The following NCAPD3 variants were observed in gnomAD, a reference collection of about 807,000 sequenced individuals.
NCAPD3 encodes condensin-2 complex subunit D3.
Under a neutral mutation model 182.9 loss-of-function variants are expected in NCAPD3, and 105 were observed. The ratio of observed to expected loss-of-function variants is 0.57; its 90% confidence interval spans 0.49 to 0.68. The LOEUF (loss-of-function observed/expected upper bound fraction) is 0.68, where lower values mean the gene tolerates loss of function less well. NCAPD3 is among the 30% of genes least tolerant of loss of function. NCAPD3 has a pLI of 0.00. For synonymous variants in NCAPD3, 815 were observed against 679.9 expected (o/e 1.20, Z -3.09); for missense variants, 1,944 against 1,837.0 (o/e 1.06, Z -1.07).
chr11:134,213,899 T>C (rs1461879766), intron 3 of NCAPD3, among the ~76,000 whole-genome samples: 1 of 152,150 alleles, frequency 6.6e-6, no homozygotes, highest in Non-Finnish European at 1.5e-5. Flanking sequence ...AATACATCTG[T>C]ATCCGTCAGA....
In NCAPD3 at chr11:134,158,356, G is replaced by A. The variant is rs780597784; in HGVS notation, c.4007C>T (p.Pro1336Leu). The change falls in exon 30 of 35, where the codon CCA becomes CTA. Residue 1336 changes from proline to leucine, a missense_variant. Pro to Leu is a moderately conservative substitution (Grantham distance 98). Around this residue, in one of 3 missense-constraint regions of NCAPD3, gnomAD observed 1,803 missense variants for 1,674.6 expected, o/e 1.08. Coordinates refer to ENST00000534548, the MANE Select transcript of NCAPD3 (RefSeq NM_015261.3). ...GGCTTTGGGCAGCAACCTCTGCAAT[G>A]GCCCTGTTTCAGGTGTAGGAGATGA... ...AVSSPTPETG[P>L]LQRLLPKARP... 1 of 1,614,214 alleles carries A rather than the reference G, an allele frequency of 6.2e-7. No individual in the cohort carries two copies. Among genetic ancestry groups the A allele is most frequent in the Non-Finnish European group, 8.5e-7 (1 of 1,180,044 alleles).
At chr11:134,169,232 G>C (rs1235445756) in intron 24 of NCAPD3, among the ~76,000 whole-genome samples, 178 bp from the exon 25 acceptor site, 1 of 152,210 alleles carries the variant, frequency 6.6e-6, no homozygotes, top group Non-Finnish European at 1.5e-5. Context: ...TATTTGGTCT[G>C]TCCTTGCTCC....
At chr11:134,207,968 C>T (rs112525046) in intron 7 of NCAPD3, among the ~76,000 whole-genome samples, 14 of 152,136 alleles carry the variant, frequency 9.2e-5, no homozygotes, top group Non-Finnish European at 1.5e-4. Context: ...GCTCGGTAGG[C>T]GGCCTGCTCA....
chr11:134,218,765 C>G (rs917574653), intron 2 of NCAPD3, among the ~76,000 whole-genome samples: 1 of 152,178 alleles, frequency 6.6e-6, no homozygotes, highest in Non-Finnish European at 1.5e-5. Flanking sequence ...GTCTTCCTTT[C>G]CAGTTCCCAA....
Position 134,211,028 on chromosome 11 carries a change from G to C in NCAPD3, c.383-574C>G, listed in dbSNP as rs1937815081. Reference sequence around the variant, plus strand: ...GCACAGGGTAAAATTCTAAGACAGAGAGCAAAGAAGTATTTCCAAGGAGCA... The same window carrying C: ...GCACAGGGTAAAATTCTAAGACAGACAGCAAAGAAGTATTTCCAAGGAGCA... On this transcript the variant is annotated intron_variant, in intron 3 of 34. Coordinates refer to ENST00000534548, the MANE Select transcript of NCAPD3 (RefSeq NM_015261.3). Among the ~76,000 whole-genome samples the C allele has an allele frequency of 2.0e-5, 3 of 152,190 alleles. No homozygotes were observed. The South Asian group carries it at 6.2e-4, about 32-fold the overall frequency.
intron 16 of NCAPD3, among the ~76,000 whole-genome samples, chr11:134,189,452 G>A (rs770450699): frequency 5.9e-5 from 9 of 152,082 alleles, no homozygotes; most frequent in Non-Finnish European, 1.0e-4. Flanking sequence ...TCCATTAAAT[G>A]CATTCTACAA....
At chr11:134,181,990 T>C (rs1224551986) in intron 19 of NCAPD3, among the ~76,000 whole-genome samples, 1 of 152,246 alleles carries the variant, frequency 6.6e-6, no homozygotes, top group Admixed American at 6.5e-5. Flanking sequence ...ATGCTTTTAG[T>C]CTGACTTGCC....
At chr11:134,217,184 C>T in intron 2 of NCAPD3, 86 bp from the exon 3 acceptor site, 2 of 1,299,226 alleles carry the variant, frequency 1.5e-6, no homozygotes, top group African/African-American at 1.5e-5. Context: ...GTTCTTGGTG[C>T]CTTACAAAAA....
chr11:134,222,158 C>G lies in NCAPD3; in HGVS notation c.65-1432G>C, dbSNP rs565613935. Among the ~76,000 whole-genome samples, 74 of 152,292 alleles carry G rather than the reference C, an allele frequency of 4.9e-4. 1 individual carries two copies. The highest frequency in any genetic ancestry group is 9.8e-4 in the Admixed American group (15 of 15,292). On this transcript the variant is annotated intron_variant, in intron 1 of 34. Coordinates refer to ENST00000534548, the MANE Select transcript of NCAPD3 (RefSeq NM_015261.3). Reference sequence around the variant, plus strand: ...AGAGTATAGGAGACACTGAGTTAGTCTTTTTCCCTCAGTATCTTTACACTA... The same window carrying G: ...AGAGTATAGGAGACACTGAGTTAGTGTTTTTCCCTCAGTATCTTTACACTA...
In NCAPD3 at chr11:134,150,721, AC is replaced by A. The variant is rs1449618730; in HGVS notation, c.*2222del. On this transcript the variant is annotated 3_prime_UTR_variant, in exon 35 of 35. Transcript: ENST00000534548. ...AATTGCGAAATCAAGTCTGTCAAGT[AC>A]AATAACATTTTTAAAAGAAAATGGA... 1 of 152,120 alleles carries A rather than the reference AC, an allele frequency of 6.6e-6. No homozygotes were observed. The highest frequency in any genetic ancestry group is 1.5e-5 in the Non-Finnish European group (1 of 68,016). The allele number at this position is 152,120 out of a possible 1,614,324, so 9.4% of individuals were successfully genotyped here.
chr11:134,157,782 T>C (rs1194004472), intron 31 of NCAPD3, 146 bp downstream of exon 31: 1 of 927,208 alleles, frequency 1.1e-6, no homozygotes. Context: ...TGCATTGTTT[T>C]ACTACCCATG....
At position 134,177,345 on chromosome 11, in the gene NCAPD3, C is replaced by T; in HGVS notation, c.2895G>A (p.Met965Ile). ...VAVRNNVIIV[M>I]CDLCIRYTIM... ...TGGTGTAGCGAATGCAGAGATCGCA[C>T]ATTACAATGATGACGTTGTTGCGGA... The change falls in exon 23 of 35, where the codon ATG becomes ATA. Residue 965 changes from methionine to isoleucine, a missense_variant. Met to Ile is a conservative substitution (Grantham distance 10). Coordinates refer to ENST00000534548, the MANE Select transcript of NCAPD3 (RefSeq NM_015261.3). 6.2e-7 allele frequency: 1 copy of T among 1,614,234 alleles called. No homozygotes were observed. Among genetic ancestry groups the T allele is most frequent in the Non-Finnish European group, 8.5e-7 (1 of 1,180,046 alleles).
At position 134,168,953 on chromosome 11, in the gene NCAPD3, T is replaced by C; in HGVS notation, c.3203A>G (p.Lys1068Arg). 7 of 1,614,060 alleles carry C rather than the reference T, an allele frequency of 4.3e-6. No individual in the cohort carries two copies. The highest frequency in any genetic ancestry group is 5.9e-6 in the Non-Finnish European group (7 of 1,179,950). The change falls in exon 25 of 35, where the codon AAG (lysine) becomes AGG (arginine). Residue 1068 changes from lysine to arginine, a missense_variant. By Grantham distance (26) the Lys-to-Arg change is conservative. This residue lies in a region of NCAPD3 where 1,803 missense variants were observed against 1,674.6 expected (regional missense o/e 1.08). Coordinates refer to ENST00000534548, the MANE Select transcript of NCAPD3 (RefSeq NM_015261.3). The part of the protein sequence containing the change: ...ECIFHFNNYE[K>R]HEKYNKFPQS... ...GGGGAACTTGTTGTACTTCTCATGC[T>C]TCTCATAGTTATTAAAGTGAAAAAT...
intron 24 of NCAPD3, among the ~76,000 whole-genome samples, chr11:134,170,693 C>A (rs1361809134): frequency 1.3e-5 from 2 of 152,214 alleles, no homozygotes; most frequent in Non-Finnish European, 2.9e-5. Flanking sequence ...GACCAACAGA[C>A]AAGATACTGC....
chr11:134,178,525 GAC>G, intron 22 of NCAPD3, 107 bp downstream of exon 22: 1 of 823,300 alleles, frequency 1.2e-6, no homozygotes. Context: ...GCTGAGAGCA[GAC>G]ACAGACAGGC....
intron 27 of NCAPD3, among the ~76,000 whole-genome samples, chr11:134,165,176 G>C (rs1194831570): frequency 6.8e-6 from 1 of 146,512 alleles, no homozygotes; most frequent in Non-Finnish European, 1.5e-5. Context: ...AGGAGGAGCT[G>C]CACACTTGTG....
chr11:134,175,448 T>TA (rs1944138923), intron 24 of NCAPD3, among the ~76,000 whole-genome samples: 1 of 152,234 alleles, frequency 6.6e-6, no homozygotes, highest in Non-Finnish European at 1.5e-5. Context: ...TTTACTGGTT[T>TA]GTTATGTGAA....
intron 32 of NCAPD3, 38 bp downstream of exon 32, chr11:134,156,980 A>G (rs891072249): frequency 5.9e-6 from 9 of 1,532,816 alleles, no homozygotes; most frequent in Non-Finnish European, 8.1e-6. Context: ...TGCAGGAGAG[A>G]CTGAGGAGAA....
chr11:134,201,745 T>G (rs759659182), intron 13 of NCAPD3, among the ~76,000 whole-genome samples: 5 of 152,248 alleles, frequency 3.3e-5, no homozygotes, highest in Non-Finnish European at 5.9e-5. Context: ...CGTAAATCCG[T>G]AACCTGTTTA....
Sources: allele counts gnomAD v4.1 joint callset (sites outside exome capture counted in the v4.1 genomes callset), GRCh38; gene constraint gnomAD v4.1.1; regional missense constraint gnomAD v4.1.1; transcripts MANE v1.5; gene names NCBI Gene and HGNC (gene_info 2026-07-23, HGNC 2026-07-21).